The following AP1S3 variants were observed in gnomAD, a reference collection of about 807,000 sequenced individuals.
AP1S3 encodes the protein AP-1 complex subunit sigma-3.
A neutral mutation model predicts 20.9 loss-of-function variants in AP1S3; 10 were observed. The ratio of observed to expected loss-of-function variants is 0.48; its 90% CI spans 0.29 to 0.81. The LOEUF is 0.81. AP1S3 is among the 30% of genes least tolerant of loss of function. AP1S3 has a pLI of 0.08. For missense variants in AP1S3, 154 were observed against 183.8 expected (o/e 0.84, Z 0.94); for synonymous variants, 41 against 61.5 (o/e 0.67, Z 1.56).
intron 1 of AP1S3, among the ~76,000 whole-genome samples, chr2:223,780,275 T>A (rs1485185918): frequency 2.2e-5 from 1 of 45,818 alleles, no homozygotes; most frequent in Non-Finnish European, 4.3e-5. Context: ...CATGCCTGGC[T>A]AATATATATA....
intron 1 of AP1S3, among the ~76,000 whole-genome samples, chr2:223,806,207 C>T (rs984471316): frequency 1.3e-5 from 2 of 151,766 alleles, no homozygotes; most frequent in African/African-American, 2.4e-5. Flanking sequence ...CTGGTAATCA[C>T]GTCAGGAAAT....
intron 1 of AP1S3, among the ~76,000 whole-genome samples, chr2:223,829,425 A>C (rs1692207655): frequency 1.3e-5 from 2 of 152,048 alleles, no homozygotes; most frequent in African/African-American, 4.8e-5. Context: ...TCAGGAGTTC[A>C]AGACTAGCCT....
intron 1 of AP1S3, among the ~76,000 whole-genome samples, chr2:223,794,625 C>G (rs992797179): frequency 5.9e-5 from 9 of 152,150 alleles, no homozygotes; most frequent in Admixed American, 5.9e-4. Flanking sequence ...CCTCTTCTTT[C>G]TGCTAGATCA....
At chr2:223,778,975 T>A (rs1286874459) in intron 1 of AP1S3, among the ~76,000 whole-genome samples, 1 of 152,150 alleles carries the variant, frequency 6.6e-6, no homozygotes, top group Admixed American at 6.6e-5. Flanking sequence ...CTGGGATTGC[T>A]GGCATAAGCC....
chr2:223,797,102 A>G (rs1190090175), intron 1 of AP1S3, among the ~76,000 whole-genome samples: 1 of 152,170 alleles, frequency 6.6e-6, no homozygotes, highest in Non-Finnish European at 1.5e-5. Flanking sequence ...ACCAGTTTCT[A>G]CGCACAGTCA....
intron 1 of AP1S3, among the ~76,000 whole-genome samples, chr2:223,792,274 A>G (rs1469235099): frequency 6.6e-6 from 1 of 151,854 alleles, no homozygotes; most frequent in Non-Finnish European, 1.5e-5. Context: ...AGGCTACTAT[A>G]CTGCTTCAAA....
chr2:223,801,438 C>T (rs543677405), intron 1 of AP1S3, among the ~76,000 whole-genome samples: 149 of 152,200 alleles, frequency 9.8e-4, no homozygotes, highest in African/African-American at 3.4e-3. Context: ...ATTGAACCAC[C>T]CATATAATGA....
chr2:223,756,513 A>G lies in AP1S3; in HGVS notation c.*2202T>C. The G allele has an allele frequency of 2.0e-6, 2 of 984,036 alleles. No homozygotes were observed. Among genetic ancestry groups the G allele is most frequent in the Middle Eastern group, 1.0e-3 (2 of 1,912 alleles). The allele number at this position is 984,036 out of a possible 1,614,324, so 61.0% of individuals were successfully genotyped here. A position where few individuals can be genotyped will look rare whatever the true frequency, so the allele number is the denominator to read the frequency against. On this transcript the variant is annotated 3_prime_UTR_variant, in exon 5 of 5. Coordinates refer to ENST00000396654, the MANE Select transcript of AP1S3 (RefSeq NM_001039569.2). ...AAGAAAGAAAAAATTCTAACACATTAAAAAGTTAAACCACAAAACTGAAGG... is the reference window on the plus strand; with the variant it reads ...AAGAAAGAAAAAATTCTAACACATTGAAAAGTTAAACCACAAAACTGAAGG...
intron 1 of AP1S3, among the ~76,000 whole-genome samples, chr2:223,808,299 C>A (rs1332236332): frequency 6.6e-6 from 1 of 152,262 alleles, no homozygotes; most frequent in East Asian, 1.9e-4. Context: ...AACATTAACT[C>A]GGCAGGCCCA....
At chr2:223,801,281 A>G (rs1226356761) in intron 1 of AP1S3, among the ~76,000 whole-genome samples, 1 of 152,196 alleles carries the variant, frequency 6.6e-6, no homozygotes, top group Non-Finnish European at 1.5e-5. Flanking sequence ...TTCCAGATCG[A>G]CGAGCTAGAA....
chr2:223,786,692 A>G (rs763361016), intron 1 of AP1S3, among the ~76,000 whole-genome samples: 3 of 152,140 alleles, frequency 2.0e-5, no homozygotes, highest in Admixed American at 1.3e-4. Flanking sequence ...GCTTGAGCTC[A>G]AGAGTTCAAA....
chr2:223,817,621 A>AAAGAAAG (rs1553525096), intron 1 of AP1S3, among the ~76,000 whole-genome samples: 2 of 148,520 alleles, frequency 1.3e-5, no homozygotes, highest in African/African-American at 5.0e-5. Context: ...AAAAAAAAAA[A>AAAGAAAG]AAAGAAAAGA....
chr2:223,827,857 C>T (rs1376747104), intron 1 of AP1S3, among the ~76,000 whole-genome samples: 1 of 151,434 alleles, frequency 6.6e-6, no homozygotes, highest in Non-Finnish European at 1.5e-5. Context: ...GTCAGGAGTT[C>T]AGGACCAGCC....
chr2:223,814,093 A>G (rs1691793163), intron 1 of AP1S3, among the ~76,000 whole-genome samples: 1 of 152,182 alleles, frequency 6.6e-6, no homozygotes, highest in Non-Finnish European at 1.5e-5. Context: ...GTGCCCCAAT[A>G]TTTATAACCT....
chr2:223,778,109 TTGTTTTTTTTG>T (rs1244441929), intron 1 of AP1S3, among the ~76,000 whole-genome samples: 19 of 150,870 alleles, frequency 1.3e-4, no homozygotes, highest in African/African-American at 4.7e-4. Context: ...AAGTTTTTTT[TTGTTTTTTTTG>T]TTTGTTTGTT....
chr2:223,761,657 G>A (rs182732983), intron 4 of AP1S3, among the ~76,000 whole-genome samples: 1 of 152,064 alleles, frequency 6.6e-6, no homozygotes, highest in African/African-American at 2.4e-5. Flanking sequence ...AAACTCCTGG[G>A]CTCAAGCGGT....
At chr2:223,779,575 A>T (rs1300228126) in intron 1 of AP1S3, among the ~76,000 whole-genome samples, 1 of 152,162 alleles carries the variant, frequency 6.6e-6, no homozygotes, top group African/African-American at 2.4e-5. Context: ...TTTTGTTTTT[A>T]AAAAATAAAG....
At position 223,772,198 on chromosome 2, in the gene AP1S3, C is replaced by T. The variant is rs75553841; in HGVS notation, c.291+3703G>A. On this transcript the variant is annotated intron_variant, in intron 3 of 4. Coordinates refer to ENST00000396654, the MANE Select transcript of AP1S3 (RefSeq NM_001039569.2). ...AATAGTTTATTAAGTATTGCTATCA[C>T]GCCATCTCTTTGCCCCTCCCAGCAG... Among the ~76,000 whole-genome samples, 861 of 152,300 alleles carry T rather than the reference C, an allele frequency of 5.7e-3. 8 individuals carry two copies. Among genetic ancestry groups the T allele is most frequent in the African/African-American group, 0.018 (756 of 41,552 alleles).
At chr2:223,801,517 G>A (rs1340907966) in intron 1 of AP1S3, among the ~76,000 whole-genome samples, 2 of 151,990 alleles carry the variant, frequency 1.3e-5, no homozygotes, top group Non-Finnish European at 2.9e-5. Flanking sequence ...GAGTGCAGTG[G>A]CGCTGCAATC....
Sources: allele counts gnomAD v4.1 joint callset (sites outside exome capture counted in the v4.1 genomes callset), GRCh38; gene constraint gnomAD v4.1.1; transcripts MANE v1.5; gene names NCBI Gene and HGNC (gene_info 2026-07-23, HGNC 2026-07-21).